The following PRRC2C variants were observed in gnomAD, a reference collection of about 807,000 sequenced individuals.
The protein encoded by PRRC2C is proline rich coiled-coil 2C.
In PRRC2C, 72 loss-of-function variants were observed where a neutral mutation model predicts 317.2. The observed-to-expected ratio is 0.23, with a 90% CI of 0.19 to 0.28. PRRC2C has a LOEUF of 0.28. PRRC2C is among the 10% of genes least tolerant of loss of function. PRRC2C has a pLI of 1.00. For missense variants in PRRC2C, 3,074 were observed against 3,459.7 expected, an observed-to-expected ratio of 0.89 and a Z score of 2.80; for synonymous variants, 1,296 against 1,205.9, an observed-to-expected ratio of 1.07 and a Z score of -1.55.
chr1:171,543,426 A>C (rs138934501), intron 16 of PRRC2C, among the ~76,000 whole-genome samples: 1 of 152,208 alleles, frequency 6.6e-6, no homozygotes, highest in Non-Finnish European at 1.5e-5. Flanking sequence ...CCTAGGTTCA[A>C]ATCTCGGCTC....
intron 1 of PRRC2C, among the ~76,000 whole-genome samples, chr1:171,496,341 T>C (rs1668103304): frequency 6.6e-6 from 1 of 151,058 alleles, no homozygotes; most frequent in African/African-American, 2.4e-5. Flanking sequence ...TAGCTGAGAC[T>C]ACAGGTGCAC....
intron 20 of PRRC2C, among the ~76,000 whole-genome samples, chr1:171,561,545 A>T (rs1275598788): frequency 2.0e-5 from 3 of 152,176 alleles, no homozygotes; most frequent in African/African-American, 7.2e-5. Context: ...TTCATGACTT[A>T]TTAGGTCTGG....
intron 1 of PRRC2C, 105 bp from the exon 2 acceptor site, chr1:171,511,927 T>A (rs1386390887): frequency 2.0e-6 from 1 of 499,134 alleles, no homozygotes; most frequent in Non-Finnish European, 3.7e-6. Flanking sequence ...GTTAAAAAGT[T>A]CTATGAAATT....
intron 1 of PRRC2C, among the ~76,000 whole-genome samples, chr1:171,500,815 C>CT: frequency 6.6e-6 from 1 of 152,184 alleles, no homozygotes; most frequent in African/African-American, 2.4e-5. Flanking sequence ...TCTTTCATTT[C>CT]TTTTTTTCCT....
chr1:171,540,440 G>C lies in PRRC2C; in HGVS notation c.2974G>C (p.Glu992Gln). The C allele has an allele frequency of 1.2e-6, 2 of 1,612,806 alleles. No individual in the cohort carries two copies. The highest frequency in any genetic ancestry group is 1.7e-6 in the Non-Finnish European group (2 of 1,179,422). Residue 992 changes from glutamate to glutamine, a missense_variant, in exon 16 of 35, where the codon GAA (glutamate) becomes CAA (glutamine). Around this residue, in one of 11 missense-constraint regions of PRRC2C, gnomAD observed 1,320 missense variants for 1,395.7 expected, o/e 0.95. Transcript: ENST00000647382. The part of the protein sequence containing the change: ...KPEKVYKSKS[E>Q]TRWGPRPSSN... ...TGAAAAAGTATATAAATCTAAATCA[G>C]AAACTCGTTGGGGCCCACGACCAAG...
At position 171,540,032 on chromosome 1, in the gene PRRC2C, T is replaced by G; in HGVS notation, c.2566T>G (p.Leu856Val). The G allele has an allele frequency of 6.2e-7, 1 of 1,613,974 alleles. No homozygotes were observed. The highest frequency in any genetic ancestry group is 1.1e-5 in the South Asian group (1 of 91,084). The stretch of plus-strand genomic sequence containing the variant: ...TGCTTATTCTGTAGAACATAATCAA[T>G]TAGAGGCTCACCCAAAGGCAGACTT... ...TAAYSVEHNQ[L>V]EAHPKADFIR... Residue 856 changes from leucine (L) to valine (V), a missense_variant, in exon 16 of 35, where the codon TTA becomes GTA. Around this residue, in one of 11 missense-constraint regions of PRRC2C, gnomAD observed 1,320 missense variants for 1,395.7 expected, o/e 0.95. Transcript: ENST00000647382.
intron 20 of PRRC2C, among the ~76,000 whole-genome samples, chr1:171,564,523 G>T (rs1398179177): frequency 1.3e-5 from 2 of 152,120 alleles, no homozygotes; most frequent in Admixed American, 6.6e-5. Flanking sequence ...CTAAAGCAAA[G>T]AAATTTTTAT....
Position 171,574,978 on chromosome 1 carries a change from G to A in PRRC2C, c.6805G>A (p.Gly2269Arg). The change falls in exon 25 of 35, where the codon GGG becomes AGG. Residue 2269 changes from glycine (G) to arginine (R), a missense_variant. Gly to Arg is a moderately radical substitution (Grantham distance 125, BLOSUM62 -2). Transcript: ENST00000647382. Reference protein sequence around the residue: ...WENSPNVREKGSPVTSTAPPI... With the variant: ...WENSPNVREKRSPVTSTAPPI... ...GAATTCTCCAAATGTAAGGGAAAAG[G>A]GGTCTCCAGTAACTTCCACAGCACC... The A allele has an allele frequency of 1.2e-6, 2 of 1,613,834 alleles. No homozygotes were observed. The highest frequency in any genetic ancestry group is 4.5e-5 in the East Asian group (2 of 44,860).
chr1:171,538,801 T>TC (rs1677335534), intron 15 of PRRC2C, among the ~76,000 whole-genome samples: 1 of 152,198 alleles, frequency 6.6e-6, no homozygotes, highest in South Asian at 2.1e-4. Context: ...AGCCTTGACC[T>TC]CCCAGGCTCA....
In PRRC2C at chr1:171,592,409, A is replaced by T. The variant is rs1651614640; in HGVS notation, c.*562A>T. 6.6e-6 allele frequency: 1 copy of T among 152,538 alleles called. No homozygotes were observed. The highest frequency in any genetic ancestry group is 2.4e-5 in the African/African-American group (1 of 41,402). 9.4% of individuals were successfully genotyped at this position (152,538 alleles called of 1,614,324 possible). On this transcript the variant is annotated 3_prime_UTR_variant, in exon 35 of 35. Transcript: ENST00000647382. Reference sequence around the variant, plus strand: ...ATAACATGGTGATTGAGTTGAACACAATCAAAGTACAGTAGTAACTGATGT... The same window carrying T: ...ATAACATGGTGATTGAGTTGAACACTATCAAAGTACAGTAGTAACTGATGT...
At chr1:171,547,654 T>G (rs1679398491) in intron 17 of PRRC2C, among the ~76,000 whole-genome samples, 1 of 148,674 alleles carries the variant, frequency 6.7e-6, no homozygotes, top group Non-Finnish European at 1.5e-5. Flanking sequence ...TTGTTTTTTT[T>G]TTTTTTTGAG....
chr1:171,559,505 G>GTTTTTTTTTT lies in PRRC2C; in HGVS notation c.6031+1365_6031+1366insTTTTTTTTTT, dbSNP rs1236663155. On this transcript the variant is annotated intron_variant, in intron 19 of 34. Transcript: ENST00000647382. ...ATCTGTTTACAAAATGGCATACCAAGTTTGTTTTTTTTTTTTTTTTTTTTT... is the reference window on the plus strand; with the variant it reads ...ATCTGTTTACAAAATGGCATACCAAGTTTTTTTTTTTTTGTTTTTTTTTTTTTTTTTTTTT... Among the ~76,000 whole-genome samples the GTTTTTTTTTT allele has an allele frequency of 7.4e-4, 70 of 95,124 alleles. 33 individuals are homozygous for GTTTTTTTTTT. The highest frequency in any genetic ancestry group is 7.1e-4 in the Non-Finnish European group (36 of 50,628). The allele number at this position is 95,124 out of a possible 152,430, so 62.4% of individuals were successfully genotyped here.
intron 1 of PRRC2C, among the ~76,000 whole-genome samples, chr1:171,498,833 G>C (rs1277440343): frequency 6.6e-6 from 1 of 152,136 alleles, no homozygotes; most frequent in African/African-American, 2.4e-5. Context: ...TTGGAGGGGA[G>C]ACTGGGTCTT....
intron 9 of PRRC2C, 100 bp from the exon 10 acceptor site, chr1:171,524,721 C>G (rs770100653): frequency 8.0e-7 from 1 of 1,246,336 alleles, no homozygotes. Flanking sequence ...ATTTCCCCCC[C>G]CAGAAACCAT....
chr1:171,558,700 T>C (rs746098835), intron 19 of PRRC2C, among the ~76,000 whole-genome samples: 2 of 150,544 alleles, frequency 1.3e-5, no homozygotes, highest in Non-Finnish European at 3.0e-5. Context: ...TTCCCTGATA[T>C]CTACCTCTCC....
rs1285296901 is a variant in PRRC2C, at chr1:171,541,907, A to G, written c.4441A>G (p.Lys1481Glu). 6.2e-7 allele frequency: 1 copy of G among 1,613,764 alleles called. No individual in the cohort carries two copies. Among genetic ancestry groups the G allele is most frequent in the African/African-American group, 1.3e-5 (1 of 74,928 alleles). Reference sequence around the variant, plus strand: ...TACTCTTGGGGATATTTCCGGGAATAAGACACCAGATTTATCTAATCAGAA... The same window carrying G: ...TACTCTTGGGGATATTTCCGGGAATGAGACACCAGATTTATCTAATCAGAA... ...VNTLGDISGN[K>E]TPDLSNQNSS... The change falls in exon 16 of 35, where the codon AAG (lysine) becomes GAG (glutamate). Residue 1481 changes from lysine (K) to glutamate (E), a missense_variant. By Grantham distance (56) the Lys-to-Glu change is moderately conservative. Transcript: ENST00000647382. The surrounding 1 kb of genome is among the most constrained non-coding windows in gnomAD (Gnocchi z 4.1).
chr1:171,542,255 TGC>T, intron 16 of PRRC2C, 26 bp downstream of exon 16: 1 of 1,467,252 alleles, frequency 6.8e-7, no homozygotes, highest in Non-Finnish European at 9.0e-7. Flanking sequence ...TAAATATAGT[TGC>T]TTTTGCACCT....
At chr1:171,550,422 T>C (rs932783050) in intron 18 of PRRC2C, among the ~76,000 whole-genome samples, 182 bp downstream of exon 18, 1 of 151,862 alleles carries the variant, frequency 6.6e-6, no homozygotes, top group Admixed American at 6.6e-5. Flanking sequence ...AAATAAAATA[T>C]AAGGACTGTA....
chr1:171,506,655 A>G (rs1352450100), intron 1 of PRRC2C, among the ~76,000 whole-genome samples: 1 of 127,244 alleles, frequency 7.9e-6, no homozygotes, highest in East Asian at 2.2e-4. Context: ...GATAGCTTCT[A>G]TTGATGGCTT....
Sources: allele counts gnomAD v4.1 joint callset (sites outside exome capture counted in the v4.1 genomes callset), GRCh38; gene constraint gnomAD v4.1.1; regional missense constraint gnomAD v4.1.1; non-coding constraint Gnocchi (gnomAD v3.1); transcripts MANE v1.5; gene names NCBI Gene and HGNC (gene_info 2026-07-23, HGNC 2026-07-21).